Variants in PLCB4 observed in about 807,000 individuals in gnomAD.
The protein encoded by PLCB4 is 1-phosphatidylinositol 4,5-bisphosphate phosphodiesterase beta-4.
In PLCB4, 77 loss-of-function variants were observed where a neutral mutation model predicts 178.8. The ratio of observed to expected loss-of-function variants is 0.43; its 90% CI spans 0.36 to 0.52. The LOEUF is 0.52. Among genes scored for constraint, PLCB4 ranks in the 20% least tolerant of loss-of-function variants. The probability of loss-of-function intolerance (pLI) is 0.00; values close to 1 mark genes in which losing one functional copy is unlikely to be tolerated. For missense variants in PLCB4, 1,024 were observed against 1,453.4 expected (o/e 0.70, Z 4.80); for synonymous variants, 496 against 490.8 (o/e 1.01, Z -0.14).
At chr20:9,424,341 C>T (rs945059686) in intron 28 of PLCB4, among the ~76,000 whole-genome samples, 2 of 152,124 alleles carry the variant, frequency 1.3e-5, no homozygotes, top group African/African-American at 4.8e-5. Context: ...ACTCAGCTAT[C>T]AACATGCCTG....
chr20:9,079,027 C>CT (rs2090016982), intron 1 of PLCB4, among the ~76,000 whole-genome samples: 1 of 152,186 alleles, frequency 6.6e-6, no homozygotes, highest in South Asian at 2.1e-4. Flanking sequence ...TTACAACACA[C>CT]TGTGAATTGT....
intron 3 of PLCB4, among the ~76,000 whole-genome samples, chr20:9,235,312 T>G (rs1342242119): frequency 6.6e-6 from 1 of 152,158 alleles, no homozygotes; most frequent in Non-Finnish European, 1.5e-5. Flanking sequence ...CATGGCTGAC[T>G]GAAGTTGAAT....
intron 3 of PLCB4, among the ~76,000 whole-genome samples, chr20:9,235,949 C>T (rs1352918077): frequency 2.6e-5 from 4 of 152,142 alleles, no homozygotes. Context: ...CTTGGCTTGT[C>T]TGTGATTTGT....
chr20:9,470,870 T>G (rs1015771646), intron 36 of PLCB4, among the ~76,000 whole-genome samples: 5 of 152,212 alleles, frequency 3.3e-5, no homozygotes, highest in African/African-American at 9.7e-5. Flanking sequence ...TGGTATGTGG[T>G]TCCAAAATAT....
intron 3 of PLCB4, 60 bp from the exon 4 acceptor site, chr20:9,307,740 A>T: frequency 2.8e-6 from 2 of 709,072 alleles, no homozygotes; most frequent in Non-Finnish European, 4.8e-6. Context: ...CGAAGTGATT[A>T]ACCATCCTCA....
intron 3 of PLCB4, among the ~76,000 whole-genome samples, chr20:9,266,650 G>T (rs1601518476): frequency 6.6e-6 from 1 of 151,634 alleles, no homozygotes; most frequent in Admixed American, 6.6e-5. Flanking sequence ...TCTTTTGAAA[G>T]CTGCCATTTC....
At chr20:9,184,893 G>T (rs1048058269) in intron 2 of PLCB4, among the ~76,000 whole-genome samples, 3 of 152,130 alleles carry the variant, frequency 2.0e-5, no homozygotes, top group African/African-American at 7.2e-5. Context: ...CTGCCCATCT[G>T]CCCATGAATA....
At chr20:9,464,607 C>T (rs974630663) in intron 35 of PLCB4, among the ~76,000 whole-genome samples, 2 of 152,040 alleles carry the variant, frequency 1.3e-5, no homozygotes, top group African/African-American at 4.8e-5. Context: ...GATATCACCA[C>T]CGATCCCACA....
At chr20:9,213,214 G>GGCTCA (rs1200606694) in intron 2 of PLCB4, among the ~76,000 whole-genome samples, 2 of 132,728 alleles carry the variant, frequency 1.5e-5, no homozygotes, top group African/African-American at 6.6e-5. Flanking sequence ...GTGCAATCTC[G>GGCTCA]GCTCACTACA....
intron 10 of PLCB4, 124 bp from the exon 11 acceptor site, chr20:9,372,179 G>C: frequency 1.7e-6 from 1 of 603,390 alleles, no homozygotes; most frequent in South Asian, 2.3e-5. Context: ...GCTTCTGTCA[G>C]CAGGAATCAG....
intron 9 of PLCB4, among the ~76,000 whole-genome samples, chr20:9,365,978 G>A (rs770450922): frequency 5.9e-5 from 9 of 152,042 alleles, no homozygotes; most frequent in Non-Finnish European, 1.2e-4. Context: ...AGGGCAGATG[G>A]GGATACTTCT....
intron 2 of PLCB4, among the ~76,000 whole-genome samples, chr20:9,150,433 T>C (rs1600728523): frequency 1.3e-5 from 2 of 152,328 alleles, no homozygotes; most frequent in South Asian, 2.1e-4. Flanking sequence ...TGCACATTTG[T>C]ACTTTCCTAT....
At position 9,312,869 on chromosome 20, in the gene PLCB4, T is replaced by A. The variant is rs571749668; in HGVS notation, c.84+4971T>A. 2.6e-5 allele frequency among the ~76,000 whole-genome samples: 4 copies of A among 152,294 alleles called. No individual in the cohort carries two copies. In the South Asian group the frequency reaches 8.3e-4, roughly 32 times the overall value. ...ATAAGGCAATAAAACTCTAACCTAT[T>A]ATAGATTTGCCTTTTTCTACTGGAC... On this transcript the variant is annotated intron_variant, in intron 4 of 39. Coordinates refer to ENST00000378473, the MANE Select transcript of PLCB4 (RefSeq NM_001377142.1).
intron 19 of PLCB4, among the ~76,000 whole-genome samples, chr20:9,399,089 T>C (rs1281862326): frequency 6.6e-6 from 1 of 152,238 alleles, no homozygotes; most frequent in Non-Finnish European, 1.5e-5. Context: ...AGCATCTGTA[T>C]GGCTTCATGT....
chr20:9,289,294 C>A (rs896518819), intron 3 of PLCB4, among the ~76,000 whole-genome samples: 3 of 151,964 alleles, frequency 2.0e-5, no homozygotes, highest in Admixed American at 6.6e-5. Flanking sequence ...GCCTAAGTGG[C>A]TAGATTGTGA....
At chr20:9,187,243 G>C (rs2093341404) in intron 2 of PLCB4, among the ~76,000 whole-genome samples, 1 of 152,032 alleles carries the variant, frequency 6.6e-6, no homozygotes, top group Non-Finnish European at 1.5e-5. Context: ...CCAAAGTCCT[G>C]GGATTACAGG....
chr20:9,392,125 T>C (rs1568722413), intron 17 of PLCB4, among the ~76,000 whole-genome samples: 1 of 152,228 alleles, frequency 6.6e-6, no homozygotes. Context: ...TTGTGGAAAG[T>C]TCACTGTATT....
intron 1 of PLCB4, among the ~76,000 whole-genome samples, chr20:9,086,910 C>T (rs918929447): frequency 2.0e-5 from 3 of 152,116 alleles, no homozygotes; most frequent in Non-Finnish European, 4.4e-5. Context: ...TTATATTTAC[C>T]CTTTTATCAT....
At chr20:9,302,109 G>A (rs1233660446) in intron 3 of PLCB4, among the ~76,000 whole-genome samples, 3 of 151,998 alleles carry the variant, frequency 2.0e-5, no homozygotes, top group African/African-American at 7.2e-5. Flanking sequence ...TGTAAGTGAG[G>A]CCTTGGAAGG....
Sources: allele counts gnomAD v4.1 joint callset (sites outside exome capture counted in the v4.1 genomes callset), GRCh38; gene constraint gnomAD v4.1.1; transcripts MANE v1.5; gene names NCBI Gene and HGNC (gene_info 2026-07-23, HGNC 2026-07-21).